The following DIP2B variants were observed in gnomAD, a reference collection of about 807,000 sequenced individuals.
DIP2B encodes the protein DIP2 acetate--CoA ligase B (putative), also known as disco-interacting protein 2 homolog B.
Under a neutral mutation model 198.0 loss-of-function variants are expected in DIP2B, and 76 were observed. That is an observed-to-expected ratio of 0.38 (90% CI 0.32 to 0.46). The LOEUF (loss-of-function observed/expected upper bound fraction) is 0.46. Ranked by LOEUF, DIP2B falls within the 20% of genes least tolerant of loss-of-function variation. The pLI is 0.99. For missense variants in DIP2B, 1,559 were observed against 1,978.4 expected (o/e 0.79, Z 4.02); for synonymous variants, 701 against 739.1 (o/e 0.95, Z 0.84).
intron 4 of DIP2B, among the ~76,000 whole-genome samples, chr12:50,666,743 C>T (rs748173226): frequency 9.2e-5 from 14 of 152,080 alleles, no homozygotes; most frequent in East Asian, 1.9e-4. Flanking sequence ...TGCCTGAGGC[C>T]GGGCGTGGTG....
intron 20 of DIP2B, 71 bp from the exon 21 acceptor site, chr12:50,706,467 C>T (rs1304766168): frequency 1.3e-6 from 2 of 1,528,990 alleles, no homozygotes; most frequent in Non-Finnish European, 8.9e-7. Flanking sequence ...TATTTAAAGG[C>T]AGGAAGTTAA....
chr12:50,675,199 G>T, intron 6 of DIP2B, 130 bp from the exon 7 acceptor site: 1 of 1,090,726 alleles, frequency 9.2e-7, no homozygotes, highest in Non-Finnish European at 1.3e-6. Flanking sequence ...TACATATTTG[G>T]TCCACTTGAA....
At chr12:50,677,279 C>T (rs1421155744) in intron 7 of DIP2B, among the ~76,000 whole-genome samples, 2 of 152,108 alleles carry the variant, frequency 1.3e-5, no homozygotes. Flanking sequence ...CTGGTGCACT[C>T]TATCTAGAGT....
At chr12:50,727,307 C>T (rs1292884748) in intron 28 of DIP2B, among the ~76,000 whole-genome samples, 2 of 152,056 alleles carry the variant, frequency 1.3e-5, no homozygotes, top group African/African-American at 2.4e-5. Context: ...ATTAACTTCC[C>T]AACAGTTCTA....
At chr12:50,713,991 T>C (rs1461276494) in intron 22 of DIP2B, among the ~76,000 whole-genome samples, 1 of 152,194 alleles carries the variant, frequency 6.6e-6, no homozygotes, top group Admixed American at 6.5e-5. Context: ...AGTCCCAGCT[T>C]CTTGGGAGGT....
Position 50,697,626 on chromosome 12 carries a change from C to G in DIP2B, c.2048+451C>G, listed in dbSNP as rs533068270. On this transcript the variant is annotated intron_variant, in intron 17 of 37. Transcript: ENST00000301180. ...CTCACTGCAGCCTCAACCTCCTGGG[C>G]TCAAACAGTCCTCCTGCCTCAACTT... 1.6e-3 allele frequency among the ~76,000 whole-genome samples: 216 copies of G among 135,536 alleles called. 1 individual carries two copies. The highest frequency in any genetic ancestry group is 5.8e-3 in the African/African-American group (212 of 36,586). The allele number at this position is 135,536 out of a possible 152,430, so 88.9% of individuals were successfully genotyped here.
intron 1 of DIP2B, among the ~76,000 whole-genome samples, chr12:50,527,530 C>T (rs1299202456): frequency 1.3e-5 from 2 of 152,116 alleles, no homozygotes; most frequent in African/African-American, 4.8e-5. Flanking sequence ...GCCGACAGCA[C>T]TTTGGGAGGC....
rs111869193 is a variant in DIP2B, at chr12:50,739,936, TGG to T, written c.4354+353_4354+354del. 1.4e-4 allele frequency among the ~76,000 whole-genome samples: 22 copies of T among 152,284 alleles called. 1 individual carries two copies. The highest frequency in any genetic ancestry group is 4.8e-4 in the African/African-American group (20 of 41,552). On this transcript the variant is annotated intron_variant, in intron 36 of 37. Transcript: ENST00000301180. ...TAGCTCTTCTACCCTGCACACCACT[TGG>T]GGAGCAGGAGGAATGGCCCTATTCC...
intron 1 of DIP2B, among the ~76,000 whole-genome samples, chr12:50,612,292 G>A (rs974866174): frequency 6.6e-6 from 1 of 152,174 alleles, no homozygotes; most frequent in African/African-American, 2.4e-5. Flanking sequence ...ATTAGCCTAG[G>A]AGGAACCTTT....
At chr12:50,520,244 G>A (rs1958104917) in intron 1 of DIP2B, among the ~76,000 whole-genome samples, 1 of 151,880 alleles carries the variant, frequency 6.6e-6, no homozygotes, top group African/African-American at 2.4e-5. Context: ...CACCGTGTTG[G>A]CCAGGCTGGT....
intron 3 of DIP2B, among the ~76,000 whole-genome samples, chr12:50,641,578 G>C (rs1295698241): frequency 2.0e-5 from 3 of 152,082 alleles, no homozygotes; most frequent in Non-Finnish European, 2.9e-5. Context: ...TTAATTGATG[G>C]AGCTGAAAGA....
chr12:50,685,663 G>A (rs1939118639), intron 10 of DIP2B, among the ~76,000 whole-genome samples, 170 bp from the exon 11 acceptor site: 1 of 152,224 alleles, frequency 6.6e-6, no homozygotes, highest in Admixed American at 6.5e-5. Context: ...TTGTATTGTG[G>A]AAATTATTTG....
intron 1 of DIP2B, among the ~76,000 whole-genome samples, chr12:50,551,224 G>A (rs2139386290): frequency 6.6e-6 from 1 of 152,314 alleles, no homozygotes; most frequent in South Asian, 2.1e-4. Context: ...AGGAGTTTGA[G>A]ACCAGCCTGG....
chr12:50,577,634 A>G (rs983885583), intron 1 of DIP2B, among the ~76,000 whole-genome samples: 8 of 151,396 alleles, frequency 5.3e-5, no homozygotes, highest in African/African-American at 1.7e-4. Context: ...ACACTTTTAT[A>G]TGAGAAATAA....
chr12:50,550,447 A>G (rs1350456038), intron 1 of DIP2B, among the ~76,000 whole-genome samples: 1 of 152,208 alleles, frequency 6.6e-6, no homozygotes, highest in East Asian at 1.9e-4. Context: ...TTAGACTCTA[A>G]GATATTCATA....
intron 1 of DIP2B, among the ~76,000 whole-genome samples, chr12:50,571,833 C>G (rs892740839): frequency 3.3e-5 from 5 of 152,212 alleles, no homozygotes; most frequent in Non-Finnish European, 5.9e-5. Flanking sequence ...GTGGGAATTA[C>G]AGGCGTGAGC....
intron 1 of DIP2B, among the ~76,000 whole-genome samples, chr12:50,582,499 A>T (rs1280423036): frequency 6.6e-6 from 1 of 152,150 alleles, no homozygotes; most frequent in African/African-American, 2.4e-5. Context: ...GTAGAATTCT[A>T]TGAAACATTG....
chr12:50,698,256 G>T, intron 17 of DIP2B, 72 bp from the exon 18 acceptor site: 2 of 1,515,932 alleles, frequency 1.3e-6, no homozygotes, highest in East Asian at 4.6e-5. Context: ...GAGGAAATTT[G>T]TCTTCCTATG....
intron 1 of DIP2B, among the ~76,000 whole-genome samples, chr12:50,544,393 G>A (rs1242602764): frequency 1.3e-5 from 2 of 151,890 alleles, no homozygotes; most frequent in Non-Finnish European, 2.9e-5. Flanking sequence ...TGCAACCTCC[G>A]CCACCTGGGT....
Sources: gnomAD v4.1 joint callset for allele counts (sites outside exome capture counted in the v4.1 genomes callset) on GRCh38, gnomAD v4.1.1 for gene constraint, MANE v1.5 for transcripts, NCBI Gene and HGNC (gene_info 2026-07-23, HGNC 2026-07-21) for gene names.